The following TMTC4 variants were observed in gnomAD, a reference collection of about 807,000 sequenced individuals.
The protein encoded by TMTC4 is transmembrane O-mannosyltransferase targeting cadherins 4.
A neutral mutation model predicts 86.0 loss-of-function variants in TMTC4; 65 were observed. That is an observed-to-expected ratio of 0.76 (90% confidence interval 0.62 to 0.93). The LOEUF (loss-of-function observed/expected upper bound fraction) is 0.93. Ranked by LOEUF, TMTC4 falls within the 40% of genes least tolerant of loss-of-function variation. The pLI is 0.00. For missense variants in TMTC4, 866 were observed against 948.1 expected (o/e 0.91, Z 1.14); for synonymous variants, 379 against 382.5 (o/e 0.99, Z 0.11).
At position 100,663,326 on chromosome 13, in the gene TMTC4, T is replaced by C. The variant is rs183892838; in HGVS notation, c.336-146A>G. The C allele has an allele frequency of 4.8e-5, 35 of 727,394 alleles. No homozygotes were observed. The East Asian group carries it at 8.9e-4, about 19-fold the overall frequency. 45.1% of individuals were successfully genotyped at this position (727,394 alleles called of 1,614,324 possible). On this transcript the variant is annotated intron_variant, in intron 4 of 18. Transcript: ENST00000342624. ...CAGCTTGATAAAAACAGCATCAAGA[T>C]AAATAATGCCTGTCGAGCTAAGAAG...
chr13:100,642,703 C>T (rs1883189159), intron 6 of TMTC4, among the ~76,000 whole-genome samples: 1 of 152,144 alleles, frequency 6.6e-6, no homozygotes, highest in Non-Finnish European at 1.5e-5. Flanking sequence ...TTCAAGATGA[C>T]CCCAATGGTC....
intron 12 of TMTC4, among the ~76,000 whole-genome samples, chr13:100,629,446 C>G (rs1245966910): frequency 6.6e-6 from 1 of 152,156 alleles, no homozygotes; most frequent in Admixed American, 6.5e-5. Flanking sequence ...GTGACCCTCT[C>G]TTCTGAGTTG....
At chr13:100,657,190 A>G (rs1378222032) in intron 5 of TMTC4, among the ~76,000 whole-genome samples, 1 of 152,248 alleles carries the variant, frequency 6.6e-6, no homozygotes, top group East Asian at 1.9e-4. Flanking sequence ...GATATTTAAA[A>G]AATAAAATGT....
At chr13:100,614,166 A>C (rs1461418777) in intron 16 of TMTC4, 150 bp downstream of exon 16, 2 of 664,952 alleles carry the variant, frequency 3.0e-6, no homozygotes, top group Non-Finnish European at 5.0e-6. Context: ...AGAGGAATAG[A>C]CATTTTTGTA....
chr13:100,636,465 C>T (rs1288658316), intron 10 of TMTC4, 67 bp downstream of exon 10: 66 of 1,564,076 alleles, frequency 4.2e-5, no homozygotes, highest in African/African-American at 5.4e-5. Flanking sequence ...AAATGATCAG[C>T]GCAGGATTTC....
chr13:100,655,210 T>C (rs934344858), intron 6 of TMTC4, among the ~76,000 whole-genome samples: 3 of 151,958 alleles, frequency 2.0e-5, no homozygotes, highest in African/African-American at 7.3e-5. Context: ...TTAGTAGAGA[T>C]GAGGGTTTCA....
In TMTC4 at chr13:100,670,482, G is replaced by A. The variant is rs181331407; in HGVS notation, c.-120C>T. 6.7e-6 allele frequency: 7 copies of A among 1,041,520 alleles called. No individual in the cohort carries two copies. The Admixed American group carries it at 8.2e-5, about 12-fold the overall frequency. 64.5% of individuals were successfully genotyped at this position (1,041,520 alleles called of 1,614,324 possible). On this transcript the variant is annotated 5_prime_UTR_variant, in exon 2 of 19. Transcript: ENST00000342624. ...CTCGAGCCTCACAGCCTGGCATACGGCATGCTCTCAGCAAGTGCTGGGGGA... is the reference window on the plus strand; with the variant it reads ...CTCGAGCCTCACAGCCTGGCATACGACATGCTCTCAGCAAGTGCTGGGGGA...
At chr13:100,669,626 G>A (rs553579976) in intron 2 of TMTC4, among the ~76,000 whole-genome samples, 1 of 152,188 alleles carries the variant, frequency 6.6e-6, no homozygotes, top group East Asian at 1.9e-4. Flanking sequence ...TTAGTTGTGC[G>A]GTCCTGTGCA....
At chr13:100,637,882 T>C (rs753153485) in intron 8 of TMTC4, 48 bp downstream of exon 8, 3 of 1,559,940 alleles carry the variant, frequency 1.9e-6, no homozygotes, top group East Asian at 4.5e-5. Flanking sequence ...AATCAGCTGG[T>C]ACTTGACATT....
At chr13:100,649,794 T>TAAAA (rs956271332) in intron 6 of TMTC4, among the ~76,000 whole-genome samples, 2 of 151,026 alleles carry the variant, frequency 1.3e-5, no homozygotes, top group South Asian at 2.1e-4. Flanking sequence ...AATAAATAAA[T>TAAAA]AAAAATTACT....
chr13:100,613,040 A>G (rs1422698065), intron 16 of TMTC4, among the ~76,000 whole-genome samples: 1 of 152,236 alleles, frequency 6.6e-6, no homozygotes, highest in Non-Finnish European at 1.5e-5. Flanking sequence ...TACAATGTGT[A>G]GTGATCAAAT....
At chr13:100,652,340 G>A (rs1352554623) in intron 6 of TMTC4, among the ~76,000 whole-genome samples, 4 of 151,402 alleles carry the variant, frequency 2.6e-5, no homozygotes, top group Admixed American at 1.3e-4. Flanking sequence ...CTAGCTGGGC[G>A]TGGTGGTGGG....
At chr13:100,658,651 C>T (rs1205205203) in intron 5 of TMTC4, among the ~76,000 whole-genome samples, 1 of 152,120 alleles carries the variant, frequency 6.6e-6, no homozygotes. Flanking sequence ...AAACCACTTG[C>T]TATCTGGGTG....
At position 100,605,073 on chromosome 13, in the gene TMTC4, T is replaced by A. The variant is rs777888304; in HGVS notation, c.2204A>T (p.Asp735Val). The change falls in exon 19 of 19, where the codon GAC (aspartate) becomes GTC (valine). Residue 735 changes from aspartate to valine, a missense_variant. Transcript: ENST00000342624. The surrounding 1 kb of genome is among the most constrained non-coding windows in gnomAD (Gnocchi z 4.3). The part of the protein sequence containing the change: ...KKHYEISLQL[D>V]PTASGTKENY... Reference sequence around the variant, plus strand: ...CTCCTTAGTTCCTGATGCCGTGGGGTCAAGCTGCAAGGAGATTTCATAGTG... The same window carrying A: ...CTCCTTAGTTCCTGATGCCGTGGGGACAAGCTGCAAGGAGATTTCATAGTG... 3 of 1,613,872 alleles carry A rather than the reference T, an allele frequency of 1.9e-6. No homozygotes were observed. The African/African-American group carries it at 4.0e-5, about 22-fold the overall frequency.
upstream of TMTC4, chr13:100,675,010 G>T (rs576566597): frequency 2.0e-3 from 1,981 of 985,602 alleles, 30 homozygotes; most frequent in African/African-American, 0.032. Context: ...GGACGCGCCG[G>T]TGACGTCAGG....
chr13:100,650,908 T>C (rs1256531627), intron 6 of TMTC4, among the ~76,000 whole-genome samples: 1 of 152,246 alleles, frequency 6.6e-6, no homozygotes, highest in African/African-American at 2.4e-5. Context: ...TATGAGGCAA[T>C]GATATCCCAA....
chr13:100,666,215 G>C (rs1886380543), intron 3 of TMTC4: 1 of 348,728 alleles, frequency 2.9e-6, no homozygotes, highest in East Asian at 7.7e-5. Flanking sequence ...TCATCTCAAG[G>C]AACAAAAAAG....
chr13:100,649,686 G>T (rs1450293838), intron 6 of TMTC4, among the ~76,000 whole-genome samples: 2 of 151,704 alleles, frequency 1.3e-5, no homozygotes, highest in Admixed American at 6.6e-5. Context: ...CCAGAATTCA[G>T]GTCTTTTTCA....
intron 6 of TMTC4, 151 bp downstream of exon 6, chr13:100,656,230 T>C: frequency 1.7e-6 from 1 of 575,124 alleles, no homozygotes; most frequent in Non-Finnish European, 3.0e-6. Flanking sequence ...TAGACATACA[T>C]ATCTAAAGAG....
Sources: allele counts gnomAD v4.1 joint callset (sites outside exome capture counted in the v4.1 genomes callset), GRCh38; gene constraint gnomAD v4.1.1; non-coding constraint Gnocchi (gnomAD v3.1); transcripts MANE v1.5; gene names NCBI Gene and HGNC (gene_info 2026-07-23, HGNC 2026-07-21).